The following RPL5 variants were observed in gnomAD, a reference collection of about 807,000 sequenced individuals.
The protein encoded by RPL5 is large ribosomal subunit protein uL18.
Under a neutral mutation model 38.4 loss-of-function variants are expected in RPL5, and 1 was observed. The ratio of observed to expected loss-of-function variants is 0.03; its 90% CI spans 0.01 to 0.12. RPL5 has a LOEUF of 0.12. Ranked by LOEUF, RPL5 falls within the 10% of genes least tolerant of loss-of-function variation. RPL5 has a pLI of 1.00. For synonymous variants in RPL5, 109 were observed against 121.2 expected (o/e 0.90, Z 0.66); for missense variants, 243 against 374.1 (o/e 0.65, Z 2.89).
At chr1:92,841,373 A>G (rs763029693) in intron 7 of RPL5, among the ~76,000 whole-genome samples, 2 of 152,228 alleles carry the variant, frequency 1.3e-5, no homozygotes, top group East Asian at 3.8e-4. Flanking sequence ...AGACTGGGTA[A>G]TAATCCATTA....
At chr1:92,841,637 A>C (rs1033993511) in intron 7 of RPL5, 129 bp from the exon 8 acceptor site, 1 of 559,526 alleles carries the variant, frequency 1.8e-6, no homozygotes, top group East Asian at 3.8e-5. Flanking sequence ...TTGAACTTGG[A>C]TTATTTAACC....
At chr1:92,833,001 T>A (rs749996738) in intron 1 of RPL5, 10 of 738,230 alleles carry the variant, frequency 1.4e-5, no homozygotes, top group Non-Finnish European at 2.2e-5. Context: ...GAGCAGTGCT[T>A]CGCAAAAGTT....
chr1:92,835,680 T>A (rs1003858882), intron 4 of RPL5, among the ~76,000 whole-genome samples: 46 of 112,652 alleles, frequency 4.1e-4, no homozygotes, highest in Admixed American at 8.7e-4. Context: ...AAAAAAAAAA[T>A]GAGAATCTTA....
At chr1:92,839,236 G>A (rs1361388100) in intron 6 of RPL5, among the ~76,000 whole-genome samples, 3 of 152,232 alleles carry the variant, frequency 2.0e-5, no homozygotes, top group East Asian at 1.9e-4. Context: ...GCTCACTCCT[G>A]TAATCCCAGC....
chr1:92,838,537 C>T (rs901171329), intron 6 of RPL5, among the ~76,000 whole-genome samples: 1 of 152,210 alleles, frequency 6.6e-6, no homozygotes, highest in African/African-American at 2.4e-5. Context: ...TATGTGCCTT[C>T]CTTCAGCTAG....
intron 5 of RPL5, chr1:92,837,064 C>A: frequency 6.2e-6 from 2 of 321,072 alleles, no homozygotes; most frequent in Non-Finnish European, 6.0e-6. Flanking sequence ...GCAAGTACAC[C>A]AAGAGCATTC....
intron 5 of RPL5, chr1:92,836,753 A>C (rs777400897): frequency 3.8e-5 from 9 of 233,942 alleles, no homozygotes; most frequent in Non-Finnish European, 6.8e-5. Context: ...TGAATTATGC[A>C]AAAAGGTGGA....
chr1:92,837,707 G>A, intron 6 of RPL5, 74 bp downstream of exon 6: 1 of 1,259,924 alleles, frequency 7.9e-7, no homozygotes, highest in Admixed American at 1.8e-5. Context: ...TTGGGGGCAG[G>A]TAACATTCTT....
intron 1 of RPL5, 45 bp from the exon 2 acceptor site, chr1:92,833,344 T>A (rs1256917219): frequency 4.8e-6 from 7 of 1,455,972 alleles, no homozygotes; most frequent in Non-Finnish European, 6.7e-6. Context: ...AAAAGTATCA[T>A]AGGCTAAGAC....
rs138979590 is a variant in RPL5 at position 92,833,927 on chromosome 1, G to C, written c.189+267G>C. 4.6e-4 allele frequency: 203 copies of C among 444,804 alleles called. No homozygotes were observed. Among genetic ancestry groups the C allele is most frequent in the Non-Finnish European group, 2.3e-4 (57 of 244,068 alleles). The allele number at this position is 444,804 out of a possible 1,614,324, so 27.6% of individuals were successfully genotyped here. On this transcript the variant is annotated intron_variant, in intron 3 of 7. Coordinates refer to ENST00000370321, the MANE Select transcript of RPL5 (RefSeq NM_000969.5). ...TTGAGACCAGCCTGGGCAATATAGT[G>C]AGAGTTTGTCTTCACAAAAAATGTA... is the stretch of plus-strand genomic sequence containing the variant.
At chr1:92,841,704 A>AAATTTAATTAAAATTT in intron 7 of RPL5, 62 bp from the exon 8 acceptor site, 2 of 1,030,066 alleles carry the variant, frequency 1.9e-6, no homozygotes, top group Middle Eastern at 3.3e-4. Flanking sequence ...TTAAAATTTT[A>AAATTTAATTAAAATTT]AATTAAATAT....
chr1:92,833,558 T>G lies in RPL5; in HGVS notation c.87T>G (p.Asp29Glu). ...KFRRRREGKT[D>E]YYARKRLVIQ... ...TTTTTCTTTCAGAGGGTAAAACTGATTATTATGCTCGGAAACGCTTGGTGA... is the reference window on the plus strand; with the variant it reads ...TTTTTCTTTCAGAGGGTAAAACTGAGTATTATGCTCGGAAACGCTTGGTGA... Residue 29 changes from aspartate (D) to glutamate (E), a missense_variant, in exon 3 of 8, where the codon GAT becomes GAG. Transcript: ENST00000370321. 1 of 1,613,810 alleles carries G rather than the reference T, an allele frequency of 6.2e-7. No individual in the cohort carries two copies. The highest frequency in any genetic ancestry group is 8.5e-7 in the Non-Finnish European group (1 of 1,179,938).
chr1:92,834,701 A>G, intron 3 of RPL5, 78 bp from the exon 4 acceptor site: 4 of 1,579,190 alleles, frequency 2.5e-6, no homozygotes, highest in Non-Finnish European at 3.5e-6. Context: ...ATGTTTTTTT[A>G]TTCCCTTGAA....
chr1:92,836,291 C>G lies in RPL5; in HGVS notation c.426C>G (p.Phe142Leu), dbSNP rs11540836. 53 of 1,614,166 alleles carry G rather than the reference C, an allele frequency of 3.3e-5. No homozygotes were observed. In the South Asian group the frequency reaches 4.6e-4, roughly 14 times the overall value. ...VESIDGQPGA[F>L]TCYLDAGLAR... ...GCATTGATGGTCAGCCAGGTGCCTTCACCTGCTATTTGGATGCAGGCCTTG... is the reference window on the plus strand; with the variant it reads ...GCATTGATGGTCAGCCAGGTGCCTTGACCTGCTATTTGGATGCAGGCCTTG... The change falls in exon 5 of 8, where the codon TTC (phenylalanine) becomes TTG (leucine). Residue 142 changes from phenylalanine to leucine, a missense_variant. Transcript: ENST00000370321.
chr1:92,841,115 G>T (rs549350547), intron 7 of RPL5, among the ~76,000 whole-genome samples: 3 of 152,256 alleles, frequency 2.0e-5, no homozygotes, highest in Non-Finnish European at 4.4e-5. Flanking sequence ...TCATCATGCT[G>T]TGCAATAGAA....
intron 5 of RPL5, 35 bp downstream of exon 5, chr1:92,836,427 C>T (rs770667894): frequency 3.3e-5 from 52 of 1,579,990 alleles, no homozygotes; most frequent in East Asian, 2.2e-4. Context: ...GTGCCTGGAC[C>T]GTGGTACTTC....
At chr1:92,832,746 G>C (rs551672466) in intron 1 of RPL5, 1 of 462,916 alleles carries the variant, frequency 2.2e-6, no homozygotes, top group African/African-American at 2.0e-5. Context: ...TAATTATTGG[G>C]GTAGGGCCCC....
chr1:92,840,351 ATTCAC>A, intron 6 of RPL5, 195 bp from the exon 7 acceptor site: 1 of 542,006 alleles, frequency 1.8e-6, no homozygotes, highest in Non-Finnish European at 3.3e-6. Context: ...TGTAGTGATA[ATTCAC>A]ATTGCATAAG....
rs1687193944 is a variant in RPL5 at position 92,838,004 on chromosome 1, G to T, written c.705+371G>T. On this transcript the variant is annotated intron_variant, in intron 6 of 7. Coordinates refer to ENST00000370321, the MANE Select transcript of RPL5 (RefSeq NM_000969.5). ...TGGACTTTCCCATTATCTCAGACAT[G>T]TACACAGGAAAAGAGATTTGATCAC... is the stretch of plus-strand genomic sequence containing the variant. Among the ~76,000 whole-genome samples the T allele has an allele frequency of 4.6e-5, 7 of 152,312 alleles. No homozygotes were observed. The South Asian group carries it at 1.4e-3, about 32-fold the overall frequency.
Sources: gnomAD v4.1 joint callset for allele counts (sites outside exome capture counted in the v4.1 genomes callset) on GRCh38, gnomAD v4.1.1 for gene constraint, MANE v1.5 for transcripts, NCBI Gene and HGNC (gene_info 2026-07-23, HGNC 2026-07-21) for gene names.